Variants in KSR2 observed in about 807,000 individuals in gnomAD.
The protein encoded by KSR2 is kinase suppressor of ras 2.
In KSR2, 25 loss-of-function variants were observed where a neutral mutation model predicts 107.8. The ratio of observed to expected loss-of-function variants is 0.23; its 90% confidence interval spans 0.17 to 0.32. KSR2 has a LOEUF of 0.32. Ranked by LOEUF, KSR2 falls within the 10% of genes least tolerant of loss-of-function variation. The pLI, the probability that KSR2 is intolerant of heterozygous loss-of-function variation, is 1.00. For synonymous variants in KSR2, 480 were observed against 507.0 expected, an observed-to-expected ratio of 0.95 and a Z score of 0.71; for missense variants, 887 against 1,268.9, an observed-to-expected ratio of 0.70 and a Z score of 4.57.
intron 5 of KSR2, among the ~76,000 whole-genome samples, chr12:117,591,585 C>T (rs1171714996): frequency 6.6e-6 from 1 of 151,916 alleles, no homozygotes; most frequent in Non-Finnish European, 1.5e-5. Flanking sequence ...GGCAGCAAAG[C>T]AGATGAAGGG....
chr12:117,468,124 T>A (rs1161137121), intron 19 of KSR2, among the ~76,000 whole-genome samples: 1 of 152,162 alleles, frequency 6.6e-6, no homozygotes, highest in Admixed American at 6.5e-5. Context: ...CTTCTGTCTG[T>A]TTTCATATCC....
At position 117,717,666 on chromosome 12, in the gene KSR2, G is replaced by T. The variant is rs562906888; in HGVS notation, c.986+43345C>A. Among the ~76,000 whole-genome samples, 916 of 144,446 alleles carry T rather than the reference G, an allele frequency of 6.3e-3. 10 individuals carry two copies. Among genetic ancestry groups the T allele is most frequent in the Middle Eastern group, 0.021 (6 of 290 alleles). 94.8% of individuals were successfully genotyped at this position (144,446 alleles called of 152,430 possible). A position where few individuals can be genotyped will look rare whatever the true frequency, so the allele number is the denominator to read the frequency against. ...CCATGTGGCATGTGTGGGGCAGACA[G>T]GTGTGTGTGTGTGTGTGTGTGTGTG... On this transcript the variant is annotated intron_variant, in intron 4 of 19. Transcript: ENST00000339824.
intron 5 of KSR2, among the ~76,000 whole-genome samples, chr12:117,606,690 C>A (rs1881297580): frequency 7.0e-6 from 1 of 142,932 alleles, no homozygotes; most frequent in Non-Finnish European, 1.5e-5. Flanking sequence ...CTGCCTGCCT[C>A]CCTTCCTTTC....
intron 4 of KSR2, among the ~76,000 whole-genome samples, chr12:117,710,052 C>T (rs1254431050): frequency 6.6e-6 from 1 of 152,172 alleles, no homozygotes; most frequent in Non-Finnish European, 1.5e-5. Flanking sequence ...TGGACAGGAC[C>T]TTTGGCATCC....
chr12:117,846,592 C>T (rs1267464253), intron 3 of KSR2, among the ~76,000 whole-genome samples: 1 of 152,218 alleles, frequency 6.6e-6, no homozygotes. Flanking sequence ...GCATAAACCA[C>T]TGCGCCCAAC....
At chr12:117,653,930 C>A (rs56951287) in intron 5 of KSR2, among the ~76,000 whole-genome samples, 7,561 of 152,220 alleles carry the variant, frequency 0.05, 349 homozygotes, top group East Asian at 0.15. Context: ...CCAGCAGATC[C>A]AATGGTGTTT....
intron 5 of KSR2, among the ~76,000 whole-genome samples, chr12:117,599,695 G>C (rs1012906441): frequency 6.6e-6 from 1 of 151,892 alleles, no homozygotes; most frequent in Non-Finnish European, 1.5e-5. Context: ...AATGTCCCTG[G>C]GGGTGGAGAG....
chr12:117,667,729 C>T (rs1036977921), intron 4 of KSR2, 71 bp from the exon 5 acceptor site: 3 of 1,327,982 alleles, frequency 2.3e-6, no homozygotes, highest in Non-Finnish European at 3.0e-6. Flanking sequence ...CAGGGAGGCC[C>T]AGCCTTGTGT....
intron 6 of KSR2, among the ~76,000 whole-genome samples, chr12:117,581,339 GA>G (rs1156262560): frequency 6.6e-6 from 1 of 152,118 alleles, no homozygotes; most frequent in Non-Finnish European, 1.5e-5. Flanking sequence ...CTCCCCAAGG[GA>G]ACAGGCCTTA....
chr12:117,803,098 T>G (rs369412223), intron 3 of KSR2, among the ~76,000 whole-genome samples: 7 of 152,328 alleles, frequency 4.6e-5, no homozygotes, highest in African/African-American at 1.2e-4. Flanking sequence ...AAATAATGCC[T>G]TTCTCTCTCC....
rs10651702 is a variant in KSR2 at position 117,968,305 on chromosome 12, A to AGC, written c.-51_-50insGC. On this transcript the variant is annotated 5_prime_UTR_variant, in exon 1 of 20. Transcript: ENST00000339824. ...CTCCTCCTCCTCCCAGAGAGAAAAA[A>AGC]GAGGGGGGGGAGTAGAGGTAGTCTA... The AGC allele has an allele frequency of 8.1e-6, 9 of 1,112,122 alleles. No individual in the cohort carries two copies. The highest frequency in any genetic ancestry group is 3.8e-5 in the South Asian group (2 of 52,638). 68.9% of individuals were successfully genotyped at this position (1,112,122 alleles called of 1,614,324 possible).
At chr12:117,566,354 A>G (rs1202567992) in intron 7 of KSR2, among the ~76,000 whole-genome samples, 1 of 152,116 alleles carries the variant, frequency 6.6e-6, no homozygotes, top group Non-Finnish European at 1.5e-5. Context: ...TCCTGACCTC[A>G]CGTGATCTGC....
intron 4 of KSR2, among the ~76,000 whole-genome samples, chr12:117,710,826 T>C (rs1432504634): frequency 6.6e-6 from 1 of 152,138 alleles, no homozygotes; most frequent in Non-Finnish European, 1.5e-5. Flanking sequence ...CACTGTCTCA[T>C]ATTCCTCCCT....
intron 14 of KSR2, among the ~76,000 whole-genome samples, chr12:117,513,023 C>T (rs372989160): frequency 2.4e-4 from 36 of 152,222 alleles, no homozygotes; most frequent in African/African-American, 7.5e-4. Context: ...CCCCTCCCCC[C>T]GCAAAAAAAT....
At chr12:117,507,176 G>C (rs1054313232) in intron 14 of KSR2, among the ~76,000 whole-genome samples, 1 of 152,180 alleles carries the variant, frequency 6.6e-6, no homozygotes, top group African/African-American at 2.4e-5. Context: ...AACTCTGTGG[G>C]ATGGGCAGCA....
intron 5 of KSR2, among the ~76,000 whole-genome samples, chr12:117,625,477 T>C (rs13162238): frequency 3.9e-5 from 6 of 152,208 alleles, no homozygotes; most frequent in Admixed American, 3.3e-4. Flanking sequence ...GTTTTTGTCA[T>C]GGGTTCTGCT....
intron 3 of KSR2, among the ~76,000 whole-genome samples, chr12:117,764,590 C>G (rs1367356954): frequency 6.6e-6 from 1 of 152,162 alleles, no homozygotes; most frequent in Non-Finnish European, 1.5e-5. Flanking sequence ...AGGCTCATTT[C>G]TCAAAATGAG....
intron 3 of KSR2, among the ~76,000 whole-genome samples, chr12:117,825,801 G>T (rs1891722176): frequency 6.6e-6 from 1 of 151,964 alleles, no homozygotes; most frequent in African/African-American, 2.4e-5. Flanking sequence ...TTAGATGGAG[G>T]AATGGACAGA....
chr12:117,704,274 CTG>C (rs751951728), intron 4 of KSR2, among the ~76,000 whole-genome samples: 29 of 152,256 alleles, frequency 1.9e-4, no homozygotes, highest in Non-Finnish European at 3.2e-4. Context: ...CCACCTACCG[CTG>C]TCTCTGGCCA....
Sources: allele counts gnomAD v4.1 joint callset (sites outside exome capture counted in the v4.1 genomes callset), GRCh38; gene constraint gnomAD v4.1.1; transcripts MANE v1.5; gene names NCBI Gene and HGNC (gene_info 2026-07-23, HGNC 2026-07-21).